Variants in TEX52 observed in about 807,000 individuals in gnomAD.
TEX52 encodes the protein testis-expressed protein 52.
In TEX52, 22 loss-of-function variants were observed where a neutral mutation model predicts 17.6. That is an observed-to-expected ratio of 1.25 (90% CI 0.89 to 1.78). The LOEUF is 1.78. Ranked by LOEUF, TEX52 falls within the 40% of genes most tolerant of loss-of-function variation. TEX52 has a pLI of 0.00. For missense variants in TEX52, 396 were observed against 372.3 expected (o/e 1.06, Z -0.52); for synonymous variants, 168 against 147.4 (o/e 1.14, Z -1.01).
Position 2,850,978 on chromosome 12 carries a change from C to CTTT in TEX52, c.624-1456_624-1454dup, listed in dbSNP as rs35125854. On this transcript the variant is annotated intron_variant, in intron 2 of 2. Coordinates refer to ENST00000637658, the MANE Select transcript of TEX52 (RefSeq NM_001365174.2). Reference sequence around the variant, plus strand: ...TGAGCCAACACACCAGGCCCAGAGTCTTTTTTTTTTTTTTTTTTTTTTTTG... The same window carrying CTTT: ...TGAGCCAACACACCAGGCCCAGAGTCTTTTTTTTTTTTTTTTTTTTTTTTTTTG... 5.1e-3 allele frequency among the ~76,000 whole-genome samples: 413 copies of CTTT among 81,668 alleles called. 24 individuals carry two copies. The highest frequency in any genetic ancestry group is 0.019 in the African/African-American group (338 of 18,250). The allele number at this position is 81,668 out of a possible 152,430, so 53.6% of individuals were successfully genotyped here.
rs1159255153 is a variant in TEX52, at chr12:2,856,995, C to T, written c.32G>A (p.Gly11Glu). 4 of 703,004 alleles carry T rather than the reference C, an allele frequency of 5.7e-6. No individual in the cohort carries two copies. Among genetic ancestry groups the T allele is most frequent in the Non-Finnish European group, 1.0e-5 (4 of 385,004 alleles). The allele number at this position is 703,004 out of a possible 1,614,324, so 43.5% of individuals were successfully genotyped here. MASNRQRSLR[G>E]PSHPSHMEEP... ...TTCCATATGAGATGGGTGACTGGGC[C>T]CTCTGAGTGATCTTTGCCGGTTACT... Residue 11 changes from glycine (G) to glutamate (E), a missense_variant, in exon 1 of 3, where the codon GGG becomes GAG. By Grantham distance (98) the Gly-to-Glu change is moderately conservative. Coordinates refer to ENST00000637658, the MANE Select transcript of TEX52 (RefSeq NM_001365174.2).
At chr12:2,854,670 C>G (rs1271191165) in intron 2 of TEX52, among the ~76,000 whole-genome samples, 1 of 152,220 alleles carries the variant, frequency 6.6e-6, no homozygotes, top group Non-Finnish European at 1.5e-5. Context: ...TACCAGGTGT[C>G]ACCTGCATAG....
At chr12:2,851,843 T>TA (rs2098072110) in intron 2 of TEX52, among the ~76,000 whole-genome samples, 1 of 151,952 alleles carries the variant, frequency 6.6e-6, no homozygotes, top group Non-Finnish European at 1.5e-5. Flanking sequence ...CACGCCTGAC[T>TA]AATTTTTGTA....
At position 2,851,831 on chromosome 12, in the gene TEX52, A is replaced by C. The variant is rs148103763; in HGVS notation, c.624-2306T>G. Reference sequence around the variant, plus strand: ...GTAGCTGGGATTACAGGCATGTGCCACCACGCCTGACTAATTTTTGTATTT... The same window carrying C: ...GTAGCTGGGATTACAGGCATGTGCCCCCACGCCTGACTAATTTTTGTATTT... On this transcript the variant is annotated intron_variant, in intron 2 of 2. Transcript: ENST00000637658. Among the ~76,000 whole-genome samples, 1,379 of 152,038 alleles carry C rather than the reference A, an allele frequency of 9.1e-3. 21 individuals are homozygous for C. Among genetic ancestry groups the C allele is most frequent in the African/African-American group, 0.032 (1,311 of 41,448 alleles).
chr12:2,854,219 T>C (rs2098080225), intron 2 of TEX52, among the ~76,000 whole-genome samples: 1 of 151,998 alleles, frequency 6.6e-6, no homozygotes, highest in African/African-American at 2.4e-5. Flanking sequence ...GAGATGGGCT[T>C]TCTCCATGTT....
rs956083349 is a variant in TEX52, at chr12:2,855,482, T to G, written c.73-36A>C. On this transcript the variant is annotated intron_variant, in intron 1 of 2. Coordinates refer to ENST00000637658, the MANE Select transcript of TEX52 (RefSeq NM_001365174.2). ...ACAAAAGGGAGCCTGGGGAAGGTTG[T>G]GCAGACAGGGGTGCAGAAAGGTGGG... 1.4e-5 allele frequency: 19 copies of G among 1,388,340 alleles called. No homozygotes were observed. In the African/African-American group the frequency reaches 2.6e-4, roughly 19 times the overall value. The allele number at this position is 1,388,340 out of a possible 1,614,324, so 86.0% of individuals were successfully genotyped here. A position where few individuals can be genotyped will look rare whatever the true frequency, so the allele number is the denominator to read the frequency against.
intron 1 of TEX52, 124 bp from the exon 2 acceptor site, chr12:2,855,570 C>G (rs976491108): frequency 3.3e-5 from 23 of 696,314 alleles, no homozygotes; most frequent in African/African-American, 2.5e-4. Flanking sequence ...CATGAGGACG[C>G]AGAAGTCCTG....
At position 2,849,519 on chromosome 12, in the gene TEX52, C is replaced by T. The variant is rs1459287479; in HGVS notation, c.630G>A (p.Arg210=). 2.6e-6 allele frequency: 4 copies of T among 1,536,032 alleles called. No individual in the cohort carries two copies. The East Asian group carries it at 9.8e-5, about 38-fold the overall frequency. ...IQPPASFKKY[R]HISAGGRFEP... ...CAAACCTCCCACCAGCGGATATGTG[C>T]CGGTACCTGTTGGGAGAAGGGTATG... Residue 210 remains arginine (R), a synonymous_variant, in exon 3 of 3, where the codon CGG becomes CGA. Coordinates refer to ENST00000637658, the MANE Select transcript of TEX52 (RefSeq NM_001365174.2).
chr12:2,852,480 C>G, intron 2 of TEX52, among the ~76,000 whole-genome samples: 1 of 152,164 alleles, frequency 6.6e-6, no homozygotes, highest in East Asian at 1.9e-4. Context: ...AGTCCTCCCA[C>G]TTCAGCCTCC....
chr12:2,853,552 C>T (rs1356975503), intron 2 of TEX52, among the ~76,000 whole-genome samples: 8 of 151,942 alleles, frequency 5.3e-5, no homozygotes, highest in African/African-American at 1.7e-4. Context: ...GGATTACAGG[C>T]GTGAGCCACC....
In TEX52 at chr12:2,855,214, C is replaced by A; in HGVS notation, c.305G>T (p.Cys102Phe). The A allele has an allele frequency of 6.6e-7, 1 of 1,505,822 alleles. No individual in the cohort carries two copies. Among genetic ancestry groups the A allele is most frequent in the South Asian group, 1.3e-5 (1 of 79,810 alleles). 93.3% of individuals were successfully genotyped at this position (1,505,822 alleles called of 1,614,324 possible). Residue 102 changes from cysteine to phenylalanine, a missense_variant, in exon 2 of 3, where the codon TGC becomes TTC. Coordinates refer to ENST00000637658, the MANE Select transcript of TEX52 (RefSeq NM_001365174.2). The stretch of plus-strand genomic sequence containing the variant: ...GGTGGGGAAGGTGGCAGGCAGACGG[C>A]ACACATCGAGCCACGTGTGAAAGCC... ...TWGFHTWLDV[C>F]RLPATFPTQP...
At chr12:2,848,684 G>A (rs114657416), downstream of TEX52, among the ~76,000 whole-genome samples, 164 of 152,270 alleles carry the variant, frequency 1.1e-3, no homozygotes, top group African/African-American at 3.8e-3. Context: ...ACCAAGCACA[G>A]CTGTGTCTGG....
chr12:2,853,774 C>A (rs1174389367), intron 2 of TEX52, among the ~76,000 whole-genome samples: 1 of 152,194 alleles, frequency 6.6e-6, no homozygotes, highest in East Asian at 1.9e-4. Context: ...GGGAAGCATC[C>A]GTGAGTTCCC....
downstream of TEX52, chr12:2,849,018 T>C (rs1456764535): frequency 5.1e-6 from 3 of 587,144 alleles, no homozygotes; most frequent in East Asian, 6.1e-5. Flanking sequence ...ATGAGAGTCC[T>C]CCAAGGAAGA....
At chr12:2,855,854 C>T (rs1308805433) in intron 1 of TEX52, among the ~76,000 whole-genome samples, 3 of 152,118 alleles carry the variant, frequency 2.0e-5, no homozygotes, top group African/African-American at 7.2e-5. Flanking sequence ...AGGGGGGCAG[C>T]CCACCTTCAC....
In TEX52 at chr12:2,849,150, G is replaced by A; in HGVS notation, c.*81C>T. The A allele has an allele frequency of 7.1e-7, 1 of 1,399,302 alleles. No homozygotes were observed. Among genetic ancestry groups the A allele is most frequent in the Non-Finnish European group, 9.4e-7 (1 of 1,059,354 alleles). The allele number at this position is 1,399,302 out of a possible 1,614,324, so 86.7% of individuals were successfully genotyped here. A position where few individuals can be genotyped will look rare whatever the true frequency, so the allele number is the denominator to read the frequency against. Reference sequence around the variant, plus strand: ...GCCAGAGTCCTTTTGCTACCCCAGGGCCTCTTGCTGAAGGAGCATTGATTG... The same window carrying A: ...GCCAGAGTCCTTTTGCTACCCCAGGACCTCTTGCTGAAGGAGCATTGATTG... On this transcript the variant is annotated 3_prime_UTR_variant, in exon 3 of 3. Coordinates refer to ENST00000637658, the MANE Select transcript of TEX52 (RefSeq NM_001365174.2).
downstream of TEX52, among the ~76,000 whole-genome samples, chr12:2,847,828 C>T (rs1177094842): frequency 6.6e-6 from 1 of 152,184 alleles, no homozygotes; most frequent in Non-Finnish European, 1.5e-5. Flanking sequence ...TTGTGTCTGG[C>T]TTCTTTCACT....
In TEX52 at chr12:2,849,624, A is replaced by G. The variant is rs977680477; in HGVS notation, c.624-99T>C. 3.1e-5 allele frequency: 42 copies of G among 1,353,832 alleles called. No homozygotes were observed. The African/African-American group carries it at 4.9e-4, about 16-fold the overall frequency. The allele number at this position is 1,353,832 out of a possible 1,614,324, so 83.9% of individuals were successfully genotyped here. Reference sequence around the variant, plus strand: ...GGGAAGGGTGATGCCGCTGTCCACAAGCTAGTTAGCCATCAGGCGGCAGGG... The same window carrying G: ...GGGAAGGGTGATGCCGCTGTCCACAGGCTAGTTAGCCATCAGGCGGCAGGG... On this transcript the variant is annotated intron_variant, in intron 2 of 2. Coordinates refer to ENST00000637658, the MANE Select transcript of TEX52 (RefSeq NM_001365174.2).
chr12:2,852,628 G>A (rs1307736254), intron 2 of TEX52, among the ~76,000 whole-genome samples: 3 of 152,184 alleles, frequency 2.0e-5, no homozygotes, highest in Middle Eastern at 3.4e-3. Flanking sequence ...GCCTCCCAAA[G>A]TGTTGGGATT....
Sources: allele counts gnomAD v4.1 joint callset (sites outside exome capture counted in the v4.1 genomes callset), GRCh38; gene constraint gnomAD v4.1.1; transcripts MANE v1.5; gene names NCBI Gene and HGNC (gene_info 2026-07-23, HGNC 2026-07-21).